Variants in B3GALT1 observed in about 807,000 individuals in gnomAD.
B3GALT1 encodes UDP-Gal:betaGlcNAc beta 1,3-galactosyltransferase, polypeptide 1.
Under a neutral mutation model 23.2 loss-of-function variants are expected in B3GALT1, and 10 were observed. The ratio of observed to expected loss-of-function variants is 0.43; its 90% CI spans 0.27 to 0.73. The LOEUF (loss-of-function observed/expected upper bound fraction) is 0.73. Ranked by LOEUF, B3GALT1 falls within the 30% of genes least tolerant of loss-of-function variation. B3GALT1 has a pLI of 0.21. For missense variants in B3GALT1, 299 were observed against 405.4 expected (o/e 0.74, Z 2.25); for synonymous variants, 156 against 141.5 (o/e 1.10, Z -0.73).
chr2:167,425,547 T>C (rs1321521444), intron 1 of B3GALT1, among the ~76,000 whole-genome samples: 1 of 152,248 alleles, frequency 6.6e-6, no homozygotes, highest in Non-Finnish European at 1.5e-5. Context: ...AGATGCTATG[T>C]AATTCTCCAT....
intron 3 of B3GALT1, among the ~76,000 whole-genome samples, chr2:167,723,953 T>C (rs1401602855): frequency 6.6e-6 from 1 of 152,240 alleles, no homozygotes; most frequent in African/African-American, 2.4e-5. Context: ...TATTGTTTAC[T>C]GTTTCCTATA....
chr2:167,846,761 C>A (rs2105408596), intron 4 of B3GALT1, among the ~76,000 whole-genome samples: 1 of 152,316 alleles, frequency 6.6e-6, no homozygotes, highest in African/African-American at 2.4e-5. Context: ...CCTCACATTT[C>A]AATACTAACA....
At chr2:167,705,723 C>T (rs1274447024) in intron 3 of B3GALT1, among the ~76,000 whole-genome samples, 2 of 152,170 alleles carry the variant, frequency 1.3e-5, no homozygotes, top group Non-Finnish European at 2.9e-5. Context: ...TTCTTTGGCT[C>T]TAGGCAGTTT....
At chr2:167,667,980 A>C (rs765528530) in intron 3 of B3GALT1, among the ~76,000 whole-genome samples, 1 of 152,052 alleles carries the variant, frequency 6.6e-6, no homozygotes, top group South Asian at 2.1e-4. Context: ...GCTTTGTTCC[A>C]TTGCTGGTGA....
chr2:167,628,436 A>G (rs1371921816), intron 2 of B3GALT1, among the ~76,000 whole-genome samples: 1 of 151,724 alleles, frequency 6.6e-6, no homozygotes, highest in African/African-American at 2.4e-5. Context: ...TTGTATATCT[A>G]ACCTCTACCC....
intron 2 of B3GALT1, among the ~76,000 whole-genome samples, chr2:167,507,582 AT>A (rs1699939958): frequency 6.6e-6 from 1 of 151,656 alleles, no homozygotes; most frequent in Non-Finnish European, 1.5e-5. Flanking sequence ...AATGAAAATA[AT>A]TTTTTACTGA....
At chr2:167,444,785 C>T (rs1355018367) in intron 1 of B3GALT1, among the ~76,000 whole-genome samples, 2 of 152,014 alleles carry the variant, frequency 1.3e-5, no homozygotes, top group Non-Finnish European at 2.9e-5. Context: ...TGCTAGCGGT[C>T]TATAATTTTA....
At chr2:167,709,249 C>G (rs1687014955) in intron 3 of B3GALT1, among the ~76,000 whole-genome samples, 1 of 152,156 alleles carries the variant, frequency 6.6e-6, no homozygotes, top group Admixed American at 6.5e-5. Context: ...GGATAACAAA[C>G]CCAGATGGAA....
chr2:167,513,900 G>A (rs1700064232), intron 2 of B3GALT1, among the ~76,000 whole-genome samples: 1 of 151,798 alleles, frequency 6.6e-6, no homozygotes, highest in Non-Finnish European at 1.5e-5. Context: ...TTATTTGTAT[G>A]TATATTTATT....
intron 2 of B3GALT1, among the ~76,000 whole-genome samples, chr2:167,566,840 A>G (rs936638223): frequency 6.6e-6 from 1 of 152,158 alleles, no homozygotes; most frequent in Non-Finnish European, 1.5e-5. Flanking sequence ...TAGGAGGGTT[A>G]TTGAGTTTAA....
intron 3 of B3GALT1, among the ~76,000 whole-genome samples, chr2:167,670,375 A>C (rs1472608248): frequency 2.0e-5 from 3 of 152,236 alleles, no homozygotes; most frequent in Non-Finnish European, 4.4e-5. Flanking sequence ...GAGACCTCCA[A>C]GTCTTTAGCC....
At chr2:167,839,063 C>T (rs1689564506) in intron 4 of B3GALT1, among the ~76,000 whole-genome samples, 1 of 152,092 alleles carries the variant, frequency 6.6e-6, no homozygotes, top group Non-Finnish European at 1.5e-5. Flanking sequence ...AAACCCACAG[C>T]CAATATCATA....
intron 4 of B3GALT1, among the ~76,000 whole-genome samples, chr2:167,839,003 A>C (rs1486353002): frequency 2.2e-4 from 33 of 152,378 alleles, no homozygotes; most frequent in East Asian, 1.9e-4. Flanking sequence ...ACTCTCAATA[A>C]ATTAGGTATT....
chr2:167,481,592 T>C (rs1293922118), intron 1 of B3GALT1, among the ~76,000 whole-genome samples: 2 of 152,218 alleles, frequency 1.3e-5, no homozygotes, highest in Admixed American at 6.5e-5. Context: ...ATTTATATAT[T>C]GAATGCCTAT....
chr2:167,595,404 G>A (rs892262087), intron 2 of B3GALT1, among the ~76,000 whole-genome samples: 4 of 152,148 alleles, frequency 2.6e-5, no homozygotes, highest in African/African-American at 7.2e-5. Context: ...CACAATTAGA[G>A]CAACATGGTC....
chr2:167,711,634 A>G (rs1687049805), intron 3 of B3GALT1, among the ~76,000 whole-genome samples: 1 of 152,218 alleles, frequency 6.6e-6, no homozygotes, highest in South Asian at 2.1e-4. Context: ...TACCAGTTCT[A>G]CATAAGTAGC....
intron 3 of B3GALT1, among the ~76,000 whole-genome samples, chr2:167,791,043 A>C (rs1053352199): frequency 1.8e-4 from 28 of 152,196 alleles, no homozygotes; most frequent in African/African-American, 5.8e-4. Context: ...TCAGGAGATG[A>C]ATACAAATTA....
At chr2:167,805,125 C>T (rs1408882452) in intron 3 of B3GALT1, among the ~76,000 whole-genome samples, 1 of 152,210 alleles carries the variant, frequency 6.6e-6, no homozygotes, top group Non-Finnish European at 1.5e-5. Context: ...TAAATGTCTT[C>T]TTGTGAGAAG....
intron 2 of B3GALT1, among the ~76,000 whole-genome samples, chr2:167,558,663 C>T (rs1438071063): frequency 6.6e-6 from 1 of 152,216 alleles, no homozygotes; most frequent in Non-Finnish European, 1.5e-5. Flanking sequence ...ATATCCTGCA[C>T]CTGGCTCGGA....
Sources: gnomAD v4.1 joint callset for allele counts (sites outside exome capture counted in the v4.1 genomes callset) on GRCh38, gnomAD v4.1.1 for gene constraint, MANE v1.5 for transcripts, NCBI Gene and HGNC (gene_info 2026-07-23, HGNC 2026-07-21) for gene names.